Variants in DACH1 observed in about 807,000 individuals in gnomAD.
DACH1 encodes the protein dachshund family transcription factor 1.
A neutral mutation model predicts 54.2 loss-of-function variants in DACH1; 12 were observed. That is an observed-to-expected ratio of 0.22 (90% CI 0.14 to 0.36). The LOEUF (loss-of-function observed/expected upper bound fraction) is 0.36. Among genes scored for constraint, DACH1 ranks in the 10% least tolerant of loss-of-function variants. The probability of loss-of-function intolerance (pLI) is 1.00; values close to 1 mark genes in which losing one functional copy is unlikely to be tolerated. For synonymous variants in DACH1, 386 were observed against 366.2 expected, an observed-to-expected ratio of 1.05 and a Z score of -0.62; for missense variants, 805 against 929.8, an observed-to-expected ratio of 0.87 and a Z score of 1.75.
At chr13:71,604,612 C>T (rs886357579) in intron 3 of DACH1, among the ~76,000 whole-genome samples, 2 of 151,744 alleles carry the variant, frequency 1.3e-5, no homozygotes, top group Non-Finnish European at 2.9e-5. Flanking sequence ...GGTGACATAA[C>T]TGAAACAAAA....
chr13:71,636,946 G>C (rs1357988398), intron 2 of DACH1, among the ~76,000 whole-genome samples: 1 of 151,974 alleles, frequency 6.6e-6, no homozygotes, highest in Non-Finnish European at 1.5e-5. Context: ...ATGGGCTATT[G>C]TTAAAAATTT....
chr13:71,738,756 A>AAAT (rs1884252999), intron 1 of DACH1, among the ~76,000 whole-genome samples: 3 of 148,084 alleles, frequency 2.0e-5, no homozygotes, highest in Non-Finnish European at 4.5e-5. Context: ...AAAAAAAAAA[A>AAAT]AAAAAGACAG....
chr13:71,769,524 G>T (rs1420385536), intron 1 of DACH1, among the ~76,000 whole-genome samples: 1 of 151,592 alleles, frequency 6.6e-6, no homozygotes, highest in Non-Finnish European at 1.5e-5. Context: ...AAGCACCTTG[G>T]TTGAGTATCA....
At chr13:71,619,114 G>GTA (rs974548009) in intron 3 of DACH1, among the ~76,000 whole-genome samples, 28 of 150,038 alleles carry the variant, frequency 1.9e-4, no homozygotes, top group Middle Eastern at 3.4e-3. Context: ...ATATATGTGT[G>GTA]TATATATATA....
intron 1 of DACH1, among the ~76,000 whole-genome samples, chr13:71,815,694 T>G (rs1033937919): frequency 3.3e-5 from 5 of 152,210 alleles, no homozygotes; most frequent in Non-Finnish European, 7.3e-5. Flanking sequence ...AAGCAAAATT[T>G]CACGTGACAG....
rs147222652 is a variant in DACH1, at chr13:71,544,125, G to C, written c.1570+12899C>G. ...AGAATCATCCCACCTTACCACTAAA[G>C]CACTCAACTGCCTATGACAATTCTC... On this transcript the variant is annotated intron_variant, in intron 6 of 10. Coordinates refer to ENST00000613252, the MANE Select transcript of DACH1 (RefSeq NM_080759.6). Among the ~76,000 whole-genome samples the C allele has an allele frequency of 4.7e-3, 708 of 152,172 alleles. 7 individuals carry two copies. The highest frequency in any genetic ancestry group is 0.016 in the African/African-American group (651 of 41,552).
intron 6 of DACH1, among the ~76,000 whole-genome samples, chr13:71,543,615 A>C (rs1883275975): frequency 6.6e-6 from 1 of 152,090 alleles, no homozygotes; most frequent in South Asian, 2.1e-4. Context: ...AGGGAATCTA[A>C]CTGAAATCTT....
chr13:71,796,601 C>T (rs1352359215), intron 1 of DACH1, among the ~76,000 whole-genome samples: 1 of 152,064 alleles, frequency 6.6e-6, no homozygotes, highest in African/African-American at 2.4e-5. Context: ...AAGTGTCTCA[C>T]TTGGCCGGTA....
At chr13:71,728,183 T>A (rs1883560788) in intron 1 of DACH1, among the ~76,000 whole-genome samples, 1 of 152,112 alleles carries the variant, frequency 6.6e-6, no homozygotes, top group African/African-American at 2.4e-5. Flanking sequence ...GAAGTGCATA[T>A]ACTTCAGTAT....
At chr13:71,792,136 C>G (rs1432318877) in intron 1 of DACH1, among the ~76,000 whole-genome samples, 1 of 152,120 alleles carries the variant, frequency 6.6e-6, no homozygotes, top group Non-Finnish European at 1.5e-5. Context: ...CACTTTAATA[C>G]TTGTTAACAT....
At chr13:71,602,415 CCTT>C (rs1237435480) in intron 3 of DACH1, among the ~76,000 whole-genome samples, 1 of 151,738 alleles carries the variant, frequency 6.6e-6, no homozygotes, top group Non-Finnish European at 1.5e-5. Context: ...AATGAGTTGA[CCTT>C]CTATTCTCCT....
At chr13:71,713,132 A>G (rs1157410917) in intron 1 of DACH1, among the ~76,000 whole-genome samples, 1 of 151,508 alleles carries the variant, frequency 6.6e-6, no homozygotes. Context: ...TGGTAAAACA[A>G]TAGAAGTGAA....
At chr13:71,747,446 T>C (rs2137964803) in intron 1 of DACH1, among the ~76,000 whole-genome samples, 2 of 151,970 alleles carry the variant, frequency 1.3e-5, no homozygotes, top group Admixed American at 1.3e-4. Context: ...CTGGGTGAGG[T>C]GGTGCATTTC....
intron 1 of DACH1, among the ~76,000 whole-genome samples, chr13:71,833,971 G>GT (rs1888684962): frequency 6.6e-6 from 1 of 151,888 alleles, no homozygotes. Context: ...TTATTCATCA[G>GT]TATAAGTAAT....
intron 3 of DACH1, among the ~76,000 whole-genome samples, chr13:71,592,479 A>T (rs1322688126): frequency 6.3e-5 from 9 of 143,412 alleles, no homozygotes; most frequent in South Asian, 2.4e-4. Context: ...TGGGAGACAT[A>T]GCAAGACTCT....
chr13:71,470,569 C>A (rs1054535116), intron 10 of DACH1, among the ~76,000 whole-genome samples: 4 of 152,120 alleles, frequency 2.6e-5, no homozygotes, highest in Non-Finnish European at 5.9e-5. Flanking sequence ...CCTTGGGATC[C>A]GCCCTACTCA....
In DACH1 at chr13:71,641,584, T is replaced by G. The variant is rs73521287; in HGVS notation, c.965-10867A>C. On this transcript the variant is annotated intron_variant, in intron 2 of 10. Transcript: ENST00000613252. ...TGTTTGCAGTTTTAAAGTTGGATTA[T>G]GGAAAAAAACAATCCTAGTTAATCT... Among the ~76,000 whole-genome samples the G allele has an allele frequency of 4.4e-3, 667 of 152,180 alleles. 9 individuals are homozygous for G. Among genetic ancestry groups the G allele is most frequent in the African/African-American group, 0.015 (635 of 41,554 alleles).
intron 1 of DACH1, among the ~76,000 whole-genome samples, chr13:71,707,170 A>C (rs1882491408): frequency 2.0e-5 from 3 of 152,214 alleles, no homozygotes; most frequent in Admixed American, 2.0e-4. Context: ...AGGCACATAC[A>C]TACACATGCA....
chr13:71,630,845 A>T, intron 2 of DACH1, 128 bp from the exon 3 acceptor site: 3 of 1,101,322 alleles, frequency 2.7e-6, no homozygotes, highest in Non-Finnish European at 3.7e-6. Context: ...ACACTTTGAT[A>T]ACTTATACTC....
Sources: gnomAD v4.1 joint callset for allele counts (sites outside exome capture counted in the v4.1 genomes callset) on GRCh38, gnomAD v4.1.1 for gene constraint, MANE v1.5 for transcripts, NCBI Gene and HGNC (gene_info 2026-07-23, HGNC 2026-07-21) for gene names.